The following TMEM131 variants were observed in gnomAD, a reference collection of about 807,000 sequenced individuals.
The protein encoded by TMEM131 is 2610524E03Rik.
In TMEM131, 66 loss-of-function variants were observed where a neutral mutation model predicts 211.6. That is an observed-to-expected ratio of 0.31 (90% CI 0.26 to 0.38). The LOEUF is 0.38. Among genes scored for constraint, TMEM131 ranks in the 10% least tolerant of loss-of-function variants. The pLI is 1.00. For missense variants in TMEM131, 2,036 were observed against 2,299.3 expected, an observed-to-expected ratio of 0.89 and a Z score of 2.34; for synonymous variants, 844 against 841.3, an observed-to-expected ratio of 1.00 and a Z score of -0.06.
chr2:97,796,182 T>C (rs1267566747), intron 28 of TMEM131, 36 bp downstream of exon 28: 3 of 1,250,792 alleles, frequency 2.4e-6, no homozygotes, highest in Admixed American at 2.8e-5. Flanking sequence ...TTGAGGAAAG[T>C]TAGTGATTCA....
At chr2:97,970,579 C>T (rs1679253508) in intron 1 of TMEM131, among the ~76,000 whole-genome samples, 1 of 152,156 alleles carries the variant, frequency 6.6e-6, no homozygotes, top group Admixed American at 6.5e-5. Flanking sequence ...TGAAGAAAAG[C>T]CATCCATTTG....
chr2:97,907,549 C>T (rs1475335136), intron 3 of TMEM131, among the ~76,000 whole-genome samples: 1 of 152,098 alleles, frequency 6.6e-6, no homozygotes, highest in Non-Finnish European at 1.5e-5. Context: ...CCTGTTCCTG[C>T]TACATCAGAA....
rs2104546740 is a variant in TMEM131, at chr2:97,955,005, A to G, written c.188-27518T>C. Among the ~76,000 whole-genome samples, 3 of 152,204 alleles carry G rather than the reference A, an allele frequency of 2.0e-5. No homozygotes were observed. The South Asian group carries it at 6.2e-4, about 32-fold the overall frequency. ...GCTAGTGTATTACTCTTGACATCAAAGCTAGACAAAACCATTGCAAAATTT... is the reference window on the plus strand; with the variant it reads ...GCTAGTGTATTACTCTTGACATCAAGGCTAGACAAAACCATTGCAAAATTT... On this transcript the variant is annotated intron_variant, in intron 1 of 40. Transcript: ENST00000186436.
intron 5 of TMEM131, among the ~76,000 whole-genome samples, chr2:97,844,726 A>G (rs1683346199): frequency 6.6e-6 from 1 of 152,212 alleles, no homozygotes; most frequent in Non-Finnish European, 1.5e-5. Context: ...AATAGGAAAG[A>G]AGGCAGGGGT....
chr2:97,962,671 A>G (rs1678872947), intron 1 of TMEM131, among the ~76,000 whole-genome samples: 1 of 152,194 alleles, frequency 6.6e-6, no homozygotes, highest in African/African-American at 2.4e-5. Flanking sequence ...CAACTCATCA[A>G]TCTACTCCCA....
intron 35 of TMEM131, among the ~76,000 whole-genome samples, 177 bp downstream of exon 35, chr2:97,765,937 C>G (rs781173545): frequency 1.3e-5 from 2 of 151,878 alleles, no homozygotes; most frequent in Non-Finnish European, 2.9e-5. Context: ...CTTACCAGGA[C>G]TGATTTCAAC....
chr2:97,932,993 G>C (rs1677295388), intron 1 of TMEM131, among the ~76,000 whole-genome samples: 1 of 152,116 alleles, frequency 6.6e-6, no homozygotes, highest in East Asian at 1.9e-4. Flanking sequence ...ACGAAAACTT[G>C]CCATTGTGTT....
chr2:97,783,699 A>G (rs1680118661), intron 31 of TMEM131, among the ~76,000 whole-genome samples: 1 of 152,076 alleles, frequency 6.6e-6, no homozygotes, highest in African/African-American at 2.4e-5. Flanking sequence ...AAAGGCAGGA[A>G]AAAGAAAATA....
chr2:97,773,155 C>A (rs1056642473), intron 32 of TMEM131, among the ~76,000 whole-genome samples: 19 of 152,188 alleles, frequency 1.2e-4, no homozygotes. Flanking sequence ...GAGAGCAGTG[C>A]GGCAGCCAAA....
At chr2:97,972,807 C>T (rs570379324) in intron 1 of TMEM131, among the ~76,000 whole-genome samples, 4 of 152,184 alleles carry the variant, frequency 2.6e-5, no homozygotes, top group East Asian at 1.9e-4. Flanking sequence ...AAGGAGGACT[C>T]GGCCCAATGC....
chr2:97,887,865 CAT>C (rs1675225363), intron 4 of TMEM131, 185 bp downstream of exon 4: 1 of 475,614 alleles, frequency 2.1e-6, no homozygotes. Flanking sequence ...GTTAATATTA[CAT>C]GTTAGACTCC....
chr2:97,789,259 T>C (rs1369368243), intron 31 of TMEM131, among the ~76,000 whole-genome samples: 3 of 152,260 alleles, frequency 2.0e-5, no homozygotes, highest in Non-Finnish European at 4.4e-5. Flanking sequence ...CTGTCTGTCA[T>C]GCTATCTGCT....
At chr2:97,855,450 G>A (rs748764297) in intron 5 of TMEM131, among the ~76,000 whole-genome samples, 3 of 152,028 alleles carry the variant, frequency 2.0e-5, no homozygotes, top group Non-Finnish European at 4.4e-5. Context: ...CTGTCATCCC[G>A]GCACTTTGGG....
intron 4 of TMEM131, among the ~76,000 whole-genome samples, chr2:97,880,636 A>G (rs969622211): frequency 3.9e-5 from 6 of 152,094 alleles, no homozygotes; most frequent in African/African-American, 1.4e-4. Context: ...CCGTTCATGG[A>G]CTGGAGATAC....
intron 33 of TMEM131, among the ~76,000 whole-genome samples, chr2:97,771,856 G>A (rs1679483191): frequency 6.6e-6 from 1 of 152,178 alleles, no homozygotes; most frequent in South Asian, 2.1e-4. Context: ...TTTAAGGTAA[G>A]AATAAACTTT....
rs972148329 is a variant in TMEM131 at position 97,818,729 on chromosome 2, G to A, written c.1075-8C>T. Reference sequence around the variant, plus strand: ...TGGTGTAGGTCGAACACTCTGCAAAGAGAACAAAAATACATACATGGCATT... The same window carrying A: ...TGGTGTAGGTCGAACACTCTGCAAAAAGAACAAAAATACATACATGGCATT... On this transcript the variant is annotated splice_polypyrimidine_tract_variant and splice_region_variant and intron_variant, in intron 11 of 40. Coordinates refer to ENST00000186436, the MANE Select transcript of TMEM131 (RefSeq NM_015348.2). The A allele has an allele frequency of 6.4e-7, 1 of 1,555,512 alleles. No homozygotes were observed. The highest frequency in any genetic ancestry group is 1.1e-5 in the South Asian group (1 of 87,226).
At chr2:97,802,935 C>G in intron 22 of TMEM131, 145 bp from the exon 23 acceptor site, 2 of 684,812 alleles carry the variant, frequency 2.9e-6, no homozygotes, top group Non-Finnish European at 2.4e-6. Context: ...TTTTACTATG[C>G]TTGTAATGCT....
chr2:97,924,948 CA>C (rs1378013097), intron 2 of TMEM131, among the ~76,000 whole-genome samples: 1 of 152,192 alleles, frequency 6.6e-6, no homozygotes, highest in Non-Finnish European at 1.5e-5. Context: ...GGCACAATCA[CA>C]GCTCACTGAA....
chr2:97,897,575 C>A (rs538467204), intron 3 of TMEM131, among the ~76,000 whole-genome samples: 2 of 152,214 alleles, frequency 1.3e-5, no homozygotes, highest in East Asian at 3.9e-4. Flanking sequence ...AAATAATAAT[C>A]TTGCATTCCT....
Sources: allele counts gnomAD v4.1 joint callset (sites outside exome capture counted in the v4.1 genomes callset), GRCh38; gene constraint gnomAD v4.1.1; transcripts MANE v1.5; gene names NCBI Gene and HGNC (gene_info 2026-07-23, HGNC 2026-07-21).